Variants in FHOD3 observed in about 807,000 individuals in gnomAD.
The protein encoded by FHOD3 is FH1/FH2 domain-containing protein 3.
In FHOD3, 90 loss-of-function variants were observed where a neutral mutation model predicts 173.0. That is an observed-to-expected ratio of 0.52 (90% confidence interval 0.44 to 0.62). FHOD3 has a LOEUF of 0.62. Ranked by LOEUF, FHOD3 falls within the 20% of genes least tolerant of loss-of-function variation. FHOD3 has a pLI of 0.00. For synonymous variants in FHOD3, 828 were observed against 823.0 expected, an observed-to-expected ratio of 1.01 and a Z score of -0.10; for missense variants, 1,945 against 2,034.7, an observed-to-expected ratio of 0.96 and a Z score of 0.85.
rs375951668 is a variant in FHOD3 at position 36,733,783 on chromosome 18, A to T, written c.3576+2979A>T. 6.6e-5 allele frequency among the ~76,000 whole-genome samples: 10 copies of T among 152,298 alleles called. No individual in the cohort carries two copies. In the East Asian group the frequency reaches 1.9e-3, roughly 29 times the overall value. ...TTTTACTGTGGGCCAGACACCAGGT[A>T]GGCGCCTGCCACAGATTCTCCTCAA... On this transcript the variant is annotated intron_variant, in intron 20 of 28. Transcript: ENST00000590592.
Position 36,474,986 on chromosome 18 carries a change from T to C in FHOD3, c.338-26946T>C, listed in dbSNP as rs919073519. 5.5e-3 allele frequency among the ~76,000 whole-genome samples: 589 copies of C among 107,830 alleles called. 3 individuals are homozygous for C. The highest frequency in any genetic ancestry group is 8.1e-3 in the Non-Finnish European group (419 of 51,830). 70.7% of individuals were successfully genotyped at this position (107,830 alleles called of 152,430 possible). ...TTTGAAGAGGTTGAAAATACACACA[T>C]ACACACACACACACACACACACACA... On this transcript the variant is annotated intron_variant, in intron 3 of 28. Coordinates refer to ENST00000590592, the MANE Select transcript of FHOD3 (RefSeq NM_001281740.3).
In FHOD3 at chr18:36,297,903, C is replaced by A; in HGVS notation, c.68C>A (p.Pro23His). 1 of 1,558,712 alleles carries A rather than the reference C, an allele frequency of 6.4e-7. No homozygotes were observed. The highest frequency in any genetic ancestry group is 2.4e-5 in the East Asian group (1 of 40,936). ...GACCCTTTCAACAGCACCAACTTCC[C>A]CGAGCCCAGCCGGCCGCCGCTGTTC... ...DTDPFNSTNF[P>H]EPSRPPLFTF... The change falls in exon 1 of 29, where the codon CCC becomes CAC. Residue 23 changes from proline to histidine, a missense_variant. Physicochemically the swap from Pro to His is moderately conservative, Grantham distance 77. Coordinates refer to ENST00000590592, the MANE Select transcript of FHOD3 (RefSeq NM_001281740.3).
intron 8 of FHOD3, among the ~76,000 whole-genome samples, chr18:36,610,415 T>G (rs531422655): frequency 1.3e-5 from 2 of 152,348 alleles, no homozygotes; most frequent in South Asian, 4.1e-4. Flanking sequence ...TGCCTGTCAG[T>G]GCGATGTGGT....
At chr18:36,465,720 A>G (rs1247647867) in intron 3 of FHOD3, among the ~76,000 whole-genome samples, 2 of 152,124 alleles carry the variant, frequency 1.3e-5, no homozygotes, top group Non-Finnish European at 2.9e-5. Context: ...CTATTGATTG[A>G]TACTAGATTT....
intron 3 of FHOD3, among the ~76,000 whole-genome samples, chr18:36,498,674 C>G (rs1056285729): frequency 1.3e-5 from 2 of 152,092 alleles, no homozygotes; most frequent in Non-Finnish European, 2.9e-5. Context: ...CTATACAAAT[C>G]CCTTCTGAAA....
At chr18:36,621,831 C>T (rs1265105857) in intron 9 of FHOD3, among the ~76,000 whole-genome samples, 1 of 152,220 alleles carries the variant, frequency 6.6e-6, no homozygotes, top group Non-Finnish European at 1.5e-5. Flanking sequence ...AGCAGTCCCA[C>T]TTCTGGATAT....
chr18:36,728,461 A>G (rs556818194), intron 19 of FHOD3, among the ~76,000 whole-genome samples: 1 of 152,158 alleles, frequency 6.6e-6, no homozygotes, highest in Admixed American at 6.5e-5. Context: ...TTCCCTGAAG[A>G]GTGGGGAGGC....
chr18:36,530,958 C>A (rs185123934), intron 5 of FHOD3, among the ~76,000 whole-genome samples: 396 of 152,262 alleles, frequency 2.6e-3, no homozygotes, highest in African/African-American at 9.2e-3. Context: ...AAAGACTTTT[C>A]CTTGGCCTAT....
intron 2 of FHOD3, among the ~76,000 whole-genome samples, chr18:36,357,235 T>A (rs2046402767): frequency 6.6e-6 from 1 of 152,182 alleles, no homozygotes; most frequent in South Asian, 2.1e-4. Flanking sequence ...TTTCCCCTGT[T>A]TTAACACCCT....
chr18:36,735,898 G>A lies in FHOD3; in HGVS notation c.3577-4758G>A, dbSNP rs762129994. Among the ~76,000 whole-genome samples, 161 of 152,286 alleles carry A rather than the reference G, an allele frequency of 1.1e-3. 2 individuals carry two copies. The highest frequency in any genetic ancestry group is 1.7e-3 in the Non-Finnish European group (113 of 68,016). On this transcript the variant is annotated intron_variant, in intron 20 of 28. Transcript: ENST00000590592. ...AATGGCCAAACCCAATAGTATTGGC[G>A]TCTATTTTTAAAAAGGGATTTCTGC...
intron 9 of FHOD3, among the ~76,000 whole-genome samples, chr18:36,624,769 T>A (rs1179096518): frequency 6.6e-6 from 1 of 152,162 alleles, no homozygotes; most frequent in Non-Finnish European, 1.5e-5. Context: ...TGCAAGCCAG[T>A]TATTTTTCTG....
At chr18:36,455,181 A>G (rs576931604) in intron 3 of FHOD3, among the ~76,000 whole-genome samples, 1 of 152,078 alleles carries the variant, frequency 6.6e-6, no homozygotes, top group African/African-American at 2.4e-5. Context: ...TTTCTCATCA[A>G]TTTTCCAGCA....
At chr18:36,506,496 A>C (rs896608777) in intron 4 of FHOD3, among the ~76,000 whole-genome samples, 1 of 152,004 alleles carries the variant, frequency 6.6e-6, no homozygotes, top group East Asian at 1.9e-4. Context: ...ATGATGTCTG[A>C]CCTCCTTGTA....
intron 2 of FHOD3, among the ~76,000 whole-genome samples, chr18:36,360,225 G>A (rs1440133830): frequency 6.6e-6 from 1 of 152,218 alleles, no homozygotes; most frequent in East Asian, 1.9e-4. Flanking sequence ...AGTGTGGCTT[G>A]AGCCAAGAGT....
intron 6 of FHOD3, among the ~76,000 whole-genome samples, chr18:36,589,192 C>T (rs1412288619): frequency 6.6e-6 from 1 of 152,202 alleles, no homozygotes; most frequent in African/African-American, 2.4e-5. Flanking sequence ...CCTGCTTTTG[C>T]ACCCCCCGTA....
rs566275806 is a variant in FHOD3, at chr18:36,612,177, C to T, written c.957+82C>T. ...GAGATGGCGCCTACTTTAGACCACG[C>T]GTAAAGCGTATGAGCACCACCAGCT... On this transcript the variant is annotated intron_variant, in intron 9 of 28. Transcript: ENST00000590592. The T allele has an allele frequency of 6.1e-5, 88 of 1,447,682 alleles. No homozygotes were observed. The African/African-American group carries it at 6.8e-4, about 11-fold the overall frequency. The allele number at this position is 1,447,682 out of a possible 1,614,324, so 89.7% of individuals were successfully genotyped here.
chr18:36,751,814 C>T (rs1366929161), intron 24 of FHOD3, among the ~76,000 whole-genome samples: 2 of 152,116 alleles, frequency 1.3e-5, no homozygotes, highest in African/African-American at 4.8e-5. Context: ...TGTACAGACC[C>T]ACCCACTCAC....
intron 3 of FHOD3, among the ~76,000 whole-genome samples, chr18:36,442,636 G>A (rs977404579): frequency 6.6e-6 from 1 of 152,084 alleles, no homozygotes; most frequent in African/African-American, 2.4e-5. Flanking sequence ...CCAAAAAGTT[G>A]CAAAAATAAT....
chr18:36,684,798 T>G (rs1050248927), intron 15 of FHOD3, among the ~76,000 whole-genome samples: 5 of 151,910 alleles, frequency 3.3e-5, no homozygotes, highest in East Asian at 1.9e-4. Flanking sequence ...AGTGCATTGG[T>G]TTTTTTTGTT....
Sources: gnomAD v4.1 joint callset for allele counts (sites outside exome capture counted in the v4.1 genomes callset) on GRCh38, gnomAD v4.1.1 for gene constraint, MANE v1.5 for transcripts, NCBI Gene and HGNC (gene_info 2026-07-23, HGNC 2026-07-21) for gene names.